The following MYRIP variants were observed in gnomAD, a reference collection of about 807,000 sequenced individuals.
MYRIP encodes rab effector MyRIP.
MYRIP carries 49 observed loss-of-function variants against 98.0 expected under a neutral mutation model. The observed-to-expected ratio is 0.50, with a 90% confidence interval of 0.40 to 0.63. The LOEUF (loss-of-function observed/expected upper bound fraction) is 0.63, where lower values mean the gene tolerates loss of function less well. MYRIP is among the 30% of genes least tolerant of loss of function. The pLI is 0.00. For synonymous variants in MYRIP, 404 were observed against 409.5 expected (o/e 0.99, Z 0.16); for missense variants, 1,004 against 1,058.2 (o/e 0.95, Z 0.71).
rs1949781634 is a variant in MYRIP at position 40,136,704 on chromosome 3, C to G, written c.333-14344C>G. Among the ~76,000 whole-genome samples, 10 of 152,310 alleles carry G rather than the reference C, an allele frequency of 6.6e-5. No individual in the cohort carries two copies. The South Asian group carries it at 2.1e-3, about 32-fold the overall frequency. On this transcript the variant is annotated intron_variant, in intron 3 of 16. Coordinates refer to ENST00000302541, the MANE Select transcript of MYRIP (RefSeq NM_015460.4). ...ACTGTCTCTCAGACCACAGTGCAAT[C>G]AAACTAGAACTCAGGATTAAGAAAC... is the stretch of plus-strand genomic sequence containing the variant.
At position 40,258,323 on chromosome 3, in the gene MYRIP, C is replaced by A; in HGVS notation, c.*157C>A. On this transcript the variant is annotated 3_prime_UTR_variant, in exon 17 of 17. Transcript: ENST00000302541. ...GCACAGGGCTGTCCTGATACCTCAT[C>A]CAGAAAGCCGTCTCAGACTTCAGCA... The A allele has an allele frequency of 1.3e-6, 1 of 781,896 alleles. No homozygotes were observed. The highest frequency in any genetic ancestry group is 1.6e-5 in the South Asian group (1 of 60,706). The allele number at this position is 781,896 out of a possible 1,614,324, so 48.4% of individuals were successfully genotyped here.
chr3:40,089,344 T>C (rs1181075659), intron 3 of MYRIP, among the ~76,000 whole-genome samples: 1 of 152,216 alleles, frequency 6.6e-6, no homozygotes, highest in Admixed American at 6.5e-5. Context: ...TTTTAAACTT[T>C]CAACTATCCA....
At chr3:40,088,201 A>G (rs1948667923) in intron 3 of MYRIP, among the ~76,000 whole-genome samples, 1 of 151,982 alleles carries the variant, frequency 6.6e-6, no homozygotes, top group Non-Finnish European at 1.5e-5. Flanking sequence ...GGGAGGGGGG[A>G]CAGATGTTGG....
intron 5 of MYRIP, 43 bp from the exon 6 acceptor site, chr3:40,166,803 T>C (rs772111291): frequency 3.2e-5 from 42 of 1,297,158 alleles, no homozygotes; most frequent in Non-Finnish European, 4.4e-5. Flanking sequence ...GTTTTACTCA[T>C]CATTCCCTTT....
At chr3:40,000,486 C>T (rs1946493945) in intron 2 of MYRIP, among the ~76,000 whole-genome samples, 1 of 152,188 alleles carries the variant, frequency 6.6e-6, no homozygotes, top group African/African-American at 2.4e-5. Context: ...CAAAAACCCA[C>T]ACAGAATGGC....
At chr3:40,175,174 G>A (rs1294668873) in intron 8 of MYRIP, among the ~76,000 whole-genome samples, 4 of 152,124 alleles carry the variant, frequency 2.6e-5, no homozygotes, top group Non-Finnish European at 2.9e-5. Flanking sequence ...TTATTGGGAT[G>A]GAGAGCTTCC....
intron 4 of MYRIP, among the ~76,000 whole-genome samples, chr3:40,161,805 T>C (rs1950401475): frequency 6.6e-6 from 1 of 152,110 alleles, no homozygotes; most frequent in Admixed American, 6.5e-5. Flanking sequence ...CAAGCTATTC[T>C]CTACGCAGTA....
intron 2 of MYRIP, among the ~76,000 whole-genome samples, chr3:39,911,673 A>G (rs1944023975): frequency 6.6e-6 from 1 of 152,256 alleles, no homozygotes; most frequent in African/African-American, 2.4e-5. Context: ...ACAGTAATTC[A>G]GGAATGTACA....
intron 3 of MYRIP, among the ~76,000 whole-genome samples, chr3:40,090,329 GGCATTCCAT>G (rs1211249447): frequency 6.6e-6 from 1 of 152,088 alleles, no homozygotes; most frequent in Non-Finnish European, 1.5e-5. Flanking sequence ...ATTGTGTTCA[GGCATTCCAT>G]GCCCTTGGAA....
At chr3:39,918,882 A>G (rs754732298) in intron 2 of MYRIP, among the ~76,000 whole-genome samples, 1 of 152,286 alleles carries the variant, frequency 6.6e-6, no homozygotes, top group East Asian at 1.9e-4. Context: ...AGCAGCCCTC[A>G]GGGAGACTAG....
At chr3:39,901,223 GT>G (rs1186863822) in intron 2 of MYRIP, among the ~76,000 whole-genome samples, 1 of 152,206 alleles carries the variant, frequency 6.6e-6, no homozygotes, top group Non-Finnish European at 1.5e-5. Context: ...CTTGGCCTTA[GT>G]TTTTTGTTGG....
At chr3:39,921,876 C>T (rs899581632) in intron 2 of MYRIP, among the ~76,000 whole-genome samples, 7 of 113,584 alleles carry the variant, frequency 6.2e-5, no homozygotes, top group South Asian at 2.8e-4. Context: ...AGCAAGACTC[C>T]GTCTCAAAAA....
At chr3:40,119,571 ATATCTAT>A (rs10592169) in intron 3 of MYRIP, among the ~76,000 whole-genome samples, 78,983 of 151,430 alleles carry the variant, frequency 0.52, 20,812 homozygotes, top group Admixed American at 0.61. Context: ...ATCCCGTGGC[ATATCTAT>A]TCAATTATTT....
At chr3:40,165,278 T>C (rs1950478985) in intron 5 of MYRIP, among the ~76,000 whole-genome samples, 1 of 152,258 alleles carries the variant, frequency 6.6e-6, no homozygotes, top group African/African-American at 2.4e-5. Context: ...ACTCATCAGC[T>C]AGCTAGATCA....
chr3:39,952,946 A>G (rs771864128), intron 2 of MYRIP, among the ~76,000 whole-genome samples: 7 of 152,224 alleles, frequency 4.6e-5, no homozygotes, highest in Non-Finnish European at 8.8e-5. Flanking sequence ...CAGCTATCTC[A>G]TTGCCCAAAT....
chr3:40,044,283 GTGCATTCCCAGGGTC>G lies in MYRIP; in HGVS notation c.332+14_332+28del, dbSNP rs767571337. On this transcript the variant is annotated intron_variant, in intron 3 of 16. Coordinates refer to ENST00000302541, the MANE Select transcript of MYRIP (RefSeq NM_015460.4). ...TGCCAGCAAGCGAGGTGAGTGGCTG[GTGCATTCCCAGGGTC>G]TACACTGTTGATTTAGAGAGATTCA... is the stretch of plus-strand genomic sequence containing the variant. 2.5e-6 allele frequency: 4 copies of G among 1,613,078 alleles called. No individual in the cohort carries two copies. In the Admixed American group the frequency reaches 5.0e-5, roughly 20 times the overall value.
intron 3 of MYRIP, among the ~76,000 whole-genome samples, chr3:40,045,023 T>C (rs1947641575): frequency 6.6e-6 from 1 of 152,206 alleles, no homozygotes; most frequent in Non-Finnish European, 1.5e-5. Flanking sequence ...GCATCTGTAG[T>C]GTGCATTGTG....
intron 1 of MYRIP, among the ~76,000 whole-genome samples, chr3:39,885,114 A>G (rs111434047): frequency 6.4e-4 from 97 of 151,906 alleles, no homozygotes; most frequent in Middle Eastern, 3.2e-3. Context: ...AAAGTCCTTC[A>G]GTCTGCACTT....
At chr3:40,171,972 G>A (rs988514188) in intron 8 of MYRIP, among the ~76,000 whole-genome samples, 6 of 152,326 alleles carry the variant, frequency 3.9e-5, no homozygotes, top group East Asian at 1.9e-4. Flanking sequence ...GCAAGAGAGC[G>A]TGTGCAGGGG....
Sources: allele counts gnomAD v4.1 joint callset (sites outside exome capture counted in the v4.1 genomes callset), GRCh38; gene constraint gnomAD v4.1.1; transcripts MANE v1.5; gene names NCBI Gene and HGNC (gene_info 2026-07-23, HGNC 2026-07-21).